MYOF: variants seen among roughly 807,000 people sequenced by gnomAD.
MYOF encodes myoferlin.
MYOF carries 244 observed loss-of-function variants against 284.2 expected under a neutral mutation model. The ratio of observed to expected loss-of-function variants is 0.86; its 90% CI spans 0.77 to 0.95. The LOEUF (loss-of-function observed/expected upper bound fraction) is 0.95. MYOF is among the 40% of genes least tolerant of loss of function. The pLI is 0.00. For synonymous variants in MYOF, 904 were observed against 919.7 expected, an observed-to-expected ratio of 0.98 and a Z score of 0.31; for missense variants, 2,496 against 2,560.6, an observed-to-expected ratio of 0.97 and a Z score of 0.54.
chr10:93,333,152 A>T (rs1045526262), intron 43 of MYOF, 69 bp downstream of exon 43: 4 of 1,271,188 alleles, frequency 3.1e-6, no homozygotes, highest in African/African-American at 2.9e-5. Context: ...GGTTGGACAC[A>T]TATTAGAGTC....
chr10:93,311,520 CAG>C (rs898449604), intron 51 of MYOF, among the ~76,000 whole-genome samples: 1 of 149,172 alleles, frequency 6.7e-6, no homozygotes, highest in African/African-American at 2.5e-5. Flanking sequence ...ACTTGGGAGG[CAG>C]AGGTTGCAGT....
At position 93,306,972 on chromosome 10, in the gene MYOF, T is replaced by C; in HGVS notation, c.6177A>G (p.Pro2059=). 1 of 1,613,284 alleles carries C rather than the reference T, an allele frequency of 6.2e-7. No individual in the cohort carries two copies. Among genetic ancestry groups the C allele is most frequent in the Non-Finnish European group, 8.5e-7 (1 of 1,179,524 alleles). The part of the protein sequence containing the change: ...PNYLSMKIVK[P]NV ...GAAGCCTTTGCCTTTGTTACACATT[T>C]GGCTTTACAATCTTCATTGACAAAT... Residue 2059 remains proline (P), a synonymous_variant, in exon 54 of 54, where the codon CCA becomes CCG. Transcript: ENST00000359263.
chr10:93,342,825 T>G (rs1843984241), intron 38 of MYOF, among the ~76,000 whole-genome samples: 1 of 152,238 alleles, frequency 6.6e-6, no homozygotes, highest in African/African-American at 2.4e-5. Context: ...TTAAGTATAT[T>G]AACTTCTGCC....
At chr10:93,433,570 T>C (rs1031847001) in intron 3 of MYOF, among the ~76,000 whole-genome samples, 1 of 152,246 alleles carries the variant, frequency 6.6e-6, no homozygotes, top group African/African-American at 2.4e-5. Flanking sequence ...AAGCTAAACA[T>C]TGAGTCCTTA....
intron 1 of MYOF, among the ~76,000 whole-genome samples, chr10:93,468,848 G>A (rs1320770376): frequency 6.6e-6 from 1 of 152,204 alleles, no homozygotes; most frequent in East Asian, 1.9e-4. Context: ...TTGTTTGTCA[G>A]TGGGGCCTGG....
chr10:93,318,134 T>C (rs1301592280), intron 49 of MYOF, among the ~76,000 whole-genome samples: 4 of 152,182 alleles, frequency 2.6e-5, no homozygotes, highest in Non-Finnish European at 5.9e-5. Flanking sequence ...ATTTTTGATA[T>C]CACATTGAGC....
chr10:93,396,252 AAAAAAT>A, intron 15 of MYOF, 28 bp from the exon 16 acceptor site: 3 of 1,503,160 alleles, frequency 2.0e-6, no homozygotes, highest in Non-Finnish European at 2.7e-6. Flanking sequence ...ATAAAAAAAT[AAAAAAT>A]AAAAGGTTCA....
At chr10:93,435,325 C>T (rs1341238366) in intron 3 of MYOF, among the ~76,000 whole-genome samples, 3 of 152,214 alleles carry the variant, frequency 2.0e-5, no homozygotes. Context: ...CGTGTCTCGA[C>T]CTCAGCACTA....
At chr10:93,307,265 C>G (rs1476951504) in intron 53 of MYOF, among the ~76,000 whole-genome samples, 1 of 151,892 alleles carries the variant, frequency 6.6e-6, no homozygotes, top group Non-Finnish European at 1.5e-5. Flanking sequence ...GAGCAAAAAT[C>G]TCCCCTAATT....
intron 7 of MYOF, among the ~76,000 whole-genome samples, chr10:93,408,075 T>C (rs924039583): frequency 9.5e-4 from 144 of 152,050 alleles, no homozygotes; most frequent in Non-Finnish European, 4.1e-4. Context: ...CATCTCACTA[T>C]ATTGCCCAGG....
In MYOF at chr10:93,306,858, G is replaced by T; in HGVS notation, c.*105C>A. ...GGGGCTCGGTGACATGGCGTAACCTGCTACTGGGGTGTGGTCTCAGACACA... is the reference window on the plus strand; with the variant it reads ...GGGGCTCGGTGACATGGCGTAACCTTCTACTGGGGTGTGGTCTCAGACACA... On this transcript the variant is annotated 3_prime_UTR_variant, in exon 54 of 54. Transcript: ENST00000359263. 1 of 1,204,678 alleles carries T rather than the reference G, an allele frequency of 8.3e-7. No individual in the cohort carries two copies. The highest frequency in any genetic ancestry group is 1.3e-5 in the South Asian group (1 of 77,968). 74.6% of individuals were successfully genotyped at this position (1,204,678 alleles called of 1,614,324 possible).
chr10:93,428,566 A>AACACACACACAC lies in MYOF; in HGVS notation c.346-2420_346-2409dup, dbSNP rs58503520. Among the ~76,000 whole-genome samples, 384 of 143,912 alleles carry AACACACACACAC rather than the reference A, an allele frequency of 2.7e-3. 4 individuals carry two copies. Among genetic ancestry groups the AACACACACACAC allele is most frequent in the Middle Eastern group, 0.011 (3 of 274 alleles). The allele number at this position is 143,912 out of a possible 152,430, so 94.4% of individuals were successfully genotyped here. ...TTTGCCACTTTTCCTACATCTGGTAAACACACACACACACACACACACACA... is the reference window on the plus strand; with the variant it reads ...TTTGCCACTTTTCCTACATCTGGTAAACACACACACACACACACACACACACACACACACACA... On this transcript the variant is annotated intron_variant, in intron 4 of 53. Coordinates refer to ENST00000359263, the MANE Select transcript of MYOF (RefSeq NM_013451.4).
intron 20 of MYOF, among the ~76,000 whole-genome samples, chr10:93,380,224 A>G (rs1202339040): frequency 1.3e-5 from 2 of 152,174 alleles, no homozygotes; most frequent in Non-Finnish European, 2.9e-5. Flanking sequence ...CAGCAATCTC[A>G]GGATCGTTTA....
chr10:93,333,714 T>G lies in MYOF; in HGVS notation c.4719+44A>C, dbSNP rs768252035. The G allele has an allele frequency of 3.7e-6, 6 of 1,602,804 alleles. No individual in the cohort carries two copies. In the South Asian group the frequency reaches 6.7e-5, roughly 18 times the overall value. On this transcript the variant is annotated intron_variant, in intron 42 of 53. Coordinates refer to ENST00000359263, the MANE Select transcript of MYOF (RefSeq NM_013451.4). ...TGACAATTATTGTGGCTGATGACTG[T>G]AATTATCTTGCTACAGGAGAAGGCC...
Position 93,316,738 on chromosome 10 carries a change from T to C in MYOF, c.5674A>G (p.Lys1892Glu), listed in dbSNP as rs1842628267. The stretch of plus-strand genomic sequence containing the variant: ...CCCAAGTAGTCATCCAGAGAAAACT[T>C]GTCATTGTCCCATATCTGAATGATC... ...RLIIQIWDND[K>E]FSLDDYLGFL... Residue 1892 changes from lysine (K) to glutamate (E), a missense_variant, in exon 50 of 54, where the codon AAG becomes GAG. Lys to Glu is a moderately conservative substitution (Grantham distance 56). Transcript: ENST00000359263. The C allele has an allele frequency of 6.2e-7, 1 of 1,613,868 alleles. No individual in the cohort carries two copies. Among genetic ancestry groups the C allele is most frequent in the Non-Finnish European group, 8.5e-7 (1 of 1,179,802 alleles).
intron 16 of MYOF, among the ~76,000 whole-genome samples, chr10:93,395,357 TG>T (rs1187725602): frequency 1.3e-5 from 2 of 152,168 alleles, no homozygotes; most frequent in Non-Finnish European, 2.9e-5. Context: ...GCAGGAGAAC[TG>T]CTTGAACCTG....
At chr10:93,401,350 T>A in intron 12 of MYOF, 68 bp downstream of exon 12, 1 of 1,583,028 alleles carries the variant, frequency 6.3e-7, no homozygotes, top group Non-Finnish European at 8.6e-7. Flanking sequence ...CTATTAAAGT[T>A]TGATTTTTAA....
At chr10:93,465,538 C>CTTTTCTTT (rs1316526970) in intron 1 of MYOF, among the ~76,000 whole-genome samples, 1 of 112,164 alleles carries the variant, frequency 8.9e-6, no homozygotes, top group African/African-American at 3.3e-5. Context: ...TTTTTCTTTT[C>CTTTTCTTT]TTTTTTTTTT....
chr10:93,370,127 C>T (rs755191404), intron 24 of MYOF, among the ~76,000 whole-genome samples: 2 of 152,126 alleles, frequency 1.3e-5, no homozygotes, highest in Non-Finnish European at 2.9e-5. Flanking sequence ...AACTCCTGCA[C>T]TGTAGCAGGA....
Sources: gnomAD v4.1 joint callset for allele counts (sites outside exome capture counted in the v4.1 genomes callset) on GRCh38, gnomAD v4.1.1 for gene constraint, MANE v1.5 for transcripts, NCBI Gene and HGNC (gene_info 2026-07-23, HGNC 2026-07-21) for gene names.